The following OSBP2 variants were observed in gnomAD, a reference collection of about 807,000 sequenced individuals.
OSBP2 encodes the protein oxysterol binding protein 2.
Under a neutral mutation model 96.0 loss-of-function variants are expected in OSBP2, and 66 were observed. The ratio of observed to expected loss-of-function variants is 0.69; its 90% CI spans 0.56 to 0.84. The LOEUF is 0.84. OSBP2 is among the 40% of genes least tolerant of loss of function. The pLI is 0.00. For synonymous variants in OSBP2, 525 were observed against 520.9 expected, an observed-to-expected ratio of 1.01 and a Z score of -0.11; for missense variants, 1,038 against 1,222.7, an observed-to-expected ratio of 0.85 and a Z score of 2.25.
intron 1 of OSBP2, among the ~76,000 whole-genome samples, chr22:30,713,220 A>G (rs2089385966): frequency 6.6e-6 from 1 of 151,616 alleles, no homozygotes; most frequent in Non-Finnish European, 1.5e-5. Context: ...CTGGGACTAC[A>G]GGCGCCCGCC....
intron 2 of OSBP2, among the ~76,000 whole-genome samples, chr22:30,840,670 C>T (rs2038734157): frequency 6.6e-6 from 1 of 152,160 alleles, no homozygotes; most frequent in African/African-American, 2.4e-5. Context: ...GGAAATAACT[C>T]AGAATAGTGT....
intron 2 of OSBP2, among the ~76,000 whole-genome samples, chr22:30,837,807 T>A (rs903591073): frequency 2.0e-5 from 3 of 152,196 alleles, no homozygotes; most frequent in Non-Finnish European, 4.4e-5. Flanking sequence ...CAGCATTGTC[T>A]TGGTTGCTTC....
chr22:30,772,683 A>G (rs136324), intron 2 of OSBP2, among the ~76,000 whole-genome samples: 147,693 of 152,356 alleles, frequency 0.97, 71,649 homozygotes, highest in East Asian at 1. Flanking sequence ...TCAGCTGAGT[A>G]ATGTCCTCTG....
Position 30,752,584 on chromosome 22 carries a change from C to G in OSBP2, c.853+11215C>G, listed in dbSNP as rs79403194. ...GGATTACAGGTGTGAGCCACCGCGC[C>G]GGGCCCAGGGTTCTTATTATGCAGA... On this transcript the variant is annotated intron_variant, in intron 2 of 13. Transcript: ENST00000332585. Among the ~76,000 whole-genome samples the G allele has an allele frequency of 2.1e-4, 32 of 152,072 alleles. No homozygotes were observed. In the East Asian group the frequency reaches 5.6e-3, roughly 27 times the overall value.
chr22:30,774,621 C>T (rs62235900), intron 2 of OSBP2, among the ~76,000 whole-genome samples: 2,647 of 152,294 alleles, frequency 0.017, 41 homozygotes, highest in Non-Finnish European at 0.029. Context: ...ATCTACTCAC[C>T]CAGCAGTAAT....
intron 2 of OSBP2, among the ~76,000 whole-genome samples, chr22:30,810,084 A>G (rs1213182697): frequency 1.3e-5 from 2 of 152,144 alleles, no homozygotes; most frequent in Non-Finnish European, 2.9e-5. Context: ...CTGGTGCTAC[A>G]GATGGGGAAA....
At chr22:30,844,629 G>A (rs2038830637) in intron 2 of OSBP2, 1 of 152,286 alleles carries the variant, frequency 6.6e-6, no homozygotes, top group Non-Finnish European at 1.5e-5. Flanking sequence ...TGGCTTAAGG[G>A]AATGTCATGG....
intron 5 of OSBP2, 88 bp from the exon 6 acceptor site, chr22:30,889,089 A>C: frequency 8.6e-7 from 1 of 1,167,928 alleles, no homozygotes; most frequent in Non-Finnish European, 1.2e-6. Context: ...CTAGCAATGA[A>C]AATGATGTTG....
At position 30,881,568 on chromosome 22, in the gene OSBP2, G is replaced by C. The variant is rs1435408938; in HGVS notation, c.1108-5858G>C. 7.4e-6 allele frequency: 7 copies of C among 948,406 alleles called. No individual in the cohort carries two copies. Among genetic ancestry groups the C allele is most frequent in the Non-Finnish European group, 7.2e-6 (5 of 695,378 alleles). 58.7% of individuals were successfully genotyped at this position (948,406 alleles called of 1,614,324 possible). ...GAGAAATGAGACCACGTTCAGGCCT[G>C]GGCTGGGTCAGCCAGGCCCTCCCTG... is the stretch of plus-strand genomic sequence containing the variant. On this transcript the variant is annotated intron_variant, in intron 3 of 13. Transcript: ENST00000332585. The surrounding 1 kb of genome is among the most constrained non-coding windows in gnomAD (Gnocchi z 4.5).
At chr22:30,798,991 G>T (rs1355029421) in intron 2 of OSBP2, among the ~76,000 whole-genome samples, 2 of 149,806 alleles carry the variant, frequency 1.3e-5, no homozygotes, top group African/African-American at 4.9e-5. Flanking sequence ...TCCAGCCTGG[G>T]TGACAGAGTG....
At chr22:30,814,250 A>G (rs2091052002) in intron 2 of OSBP2, among the ~76,000 whole-genome samples, 1 of 151,936 alleles carries the variant, frequency 6.6e-6, no homozygotes, top group African/African-American at 2.4e-5. Flanking sequence ...GAAGCTAGAA[A>G]TCCAAGTTCC....
intron 2 of OSBP2, among the ~76,000 whole-genome samples, chr22:30,834,705 T>C (rs1160228578): frequency 6.6e-6 from 1 of 152,260 alleles, no homozygotes; most frequent in East Asian, 1.9e-4. Context: ...GGGTTGTCTT[T>C]TTATTCTCGT....
chr22:30,742,154 T>C lies in OSBP2; in HGVS notation c.853+785T>C, dbSNP rs368110440. 2.1e-4 allele frequency among the ~76,000 whole-genome samples: 32 copies of C among 149,266 alleles called. No individual in the cohort carries two copies. The East Asian group carries it at 6.9e-3, about 32-fold the overall frequency. On this transcript the variant is annotated intron_variant, in intron 2 of 13. Transcript: ENST00000332585. ...ATTTTTTAAATATGTAATGTTCGGCTGGGTGTGGTGGCACATGCCTGTAAT... is the reference window on the plus strand; with the variant it reads ...ATTTTTTAAATATGTAATGTTCGGCCGGGTGTGGTGGCACATGCCTGTAAT...
chr22:30,858,022 GGAAA>G (rs1431199615), intron 2 of OSBP2, among the ~76,000 whole-genome samples: 1 of 152,194 alleles, frequency 6.6e-6, no homozygotes, highest in African/African-American at 2.4e-5. Context: ...GTATGCCGGG[GGAAA>G]GAGAGGATCT....
intron 2 of OSBP2, among the ~76,000 whole-genome samples, chr22:30,859,188 C>T (rs550595051): frequency 4.6e-5 from 7 of 152,192 alleles, no homozygotes; most frequent in East Asian, 3.9e-4. Context: ...AAGGAGAAGC[C>T]GCGCTGGCTG....
chr22:30,888,284 T>C lies in OSBP2; in HGVS notation c.1362T>C (p.Asp454=), dbSNP rs76606996. The C allele has an allele frequency of 3.5e-3, 5,687 of 1,613,924 alleles. 21 individuals carry two copies. Among genetic ancestry groups the C allele is most frequent in the Middle Eastern group, 4.9e-3 (30 of 6,062 alleles). Residue 454 remains aspartate, a synonymous_variant, in exon 5 of 14, where the codon GAT becomes GAC. Coordinates refer to ENST00000332585, the MANE Select transcript of OSBP2 (RefSeq NM_030758.4). ...AAGATGAAGATACCGAGTACTTTGATGCCATGGAAGACTCCACATCCTTCA... is the reference window on the plus strand; with the variant it reads ...AAGATGAAGATACCGAGTACTTTGACGCCATGGAAGACTCCACATCCTTCA... The part of the protein sequence containing the change: ...SEEDEDTEYF[D]AMEDSTSFIT...
At chr22:30,853,897 T>C (rs1389029524) in intron 2 of OSBP2, among the ~76,000 whole-genome samples, 3 of 152,004 alleles carry the variant, frequency 2.0e-5, no homozygotes, top group Admixed American at 6.6e-5. Context: ...GTAGCTGGGA[T>C]TACAGGCGCC....
intron 2 of OSBP2, among the ~76,000 whole-genome samples, chr22:30,789,276 G>A (rs962939953): frequency 2.6e-5 from 4 of 152,112 alleles, no homozygotes; most frequent in East Asian, 1.9e-4. Flanking sequence ...ATGCAGCCTC[G>A]AGGTTGTAGG....
intron 1 of OSBP2, among the ~76,000 whole-genome samples, chr22:30,734,833 A>G (rs2089826603): frequency 6.6e-6 from 1 of 152,228 alleles, no homozygotes; most frequent in African/African-American, 2.4e-5. Flanking sequence ...GTTAGCCCCC[A>G]CATTTATATA....
Sources: gnomAD v4.1 joint callset for allele counts (sites outside exome capture counted in the v4.1 genomes callset) on GRCh38, gnomAD v4.1.1 for gene constraint, Gnocchi (gnomAD v3.1) non-coding constraint, MANE v1.5 for transcripts, NCBI Gene and HGNC (gene_info 2026-07-23, HGNC 2026-07-21) for gene names.